APIP: variants seen among roughly 807,000 people sequenced by gnomAD.
APIP encodes the protein APAF1 interacting protein.
Under a neutral mutation model 32.0 loss-of-function variants are expected in APIP, and 32 were observed. The ratio of observed to expected loss-of-function variants is 1.00; its 90% confidence interval spans 0.76 to 1.34. The LOEUF is 1.34. Ranked by LOEUF, APIP falls within the 40% of genes most tolerant of loss-of-function variation. The probability of loss-of-function intolerance (pLI) is 0.00; values close to 1 mark genes in which losing one functional copy is unlikely to be tolerated. For synonymous variants in APIP, 92 were observed against 94.8 expected (o/e 0.97, Z 0.17); for missense variants, 247 against 298.6 (o/e 0.83, Z 1.27).
intron 1 of APIP, chr11:34,896,955 G>GT: frequency 2.2e-6 from 1 of 452,976 alleles, no homozygotes; most frequent in Non-Finnish European, 3.9e-6. Flanking sequence ...TACCTTCAAG[G>GT]TAACAGTGAA....
intron 5 of APIP, among the ~76,000 whole-genome samples, chr11:34,884,133 A>G (rs1379220330): frequency 6.6e-6 from 1 of 152,246 alleles, no homozygotes; most frequent in Non-Finnish European, 1.5e-5. Context: ...AGAATGTAAT[A>G]TTTAAACACA....
intron 1 of APIP, among the ~76,000 whole-genome samples, chr11:34,905,262 C>G (rs1373330932): frequency 6.6e-6 from 1 of 151,362 alleles, no homozygotes; most frequent in Non-Finnish European, 1.5e-5. Flanking sequence ...TACATCACAC[C>G]CTTTAGCTCC....
At chr11:34,898,714 G>A (rs1218700428) in intron 1 of APIP, among the ~76,000 whole-genome samples, 1 of 148,972 alleles carries the variant, frequency 6.7e-6, no homozygotes, top group Non-Finnish European at 1.5e-5. Flanking sequence ...TCTGCCCTTG[G>A]TCTGGAGAGT....
At chr11:34,893,773 A>G (rs1175887572) in intron 2 of APIP, among the ~76,000 whole-genome samples, 1 of 152,230 alleles carries the variant, frequency 6.6e-6, no homozygotes, top group East Asian at 1.9e-4. Flanking sequence ...AAAGCAGATA[A>G]AATTATAATG....
At chr11:34,894,251 A>G (rs1853229442) in intron 2 of APIP, among the ~76,000 whole-genome samples, 1 of 152,194 alleles carries the variant, frequency 6.6e-6, no homozygotes, top group African/African-American at 2.4e-5. Flanking sequence ...TGAGGAATAC[A>G]GATTAGCAGG....
intron 2 of APIP, among the ~76,000 whole-genome samples, chr11:34,894,229 T>TG (rs1285086550): frequency 6.6e-6 from 1 of 152,142 alleles, no homozygotes; most frequent in Non-Finnish European, 1.5e-5. Flanking sequence ...CAGTACATCT[T>TG]GTTTTGTCCT....
At chr11:34,905,610 ACAT>A (rs1438265941) in intron 1 of APIP, among the ~76,000 whole-genome samples, 1 of 152,162 alleles carries the variant, frequency 6.6e-6, no homozygotes, top group Non-Finnish European at 1.5e-5. Context: ...AAATATTGTA[ACAT>A]CATACTTGTA....
intron 1 of APIP, among the ~76,000 whole-genome samples, chr11:34,898,923 C>G (rs920628204): frequency 6.6e-6 from 1 of 151,220 alleles, no homozygotes; most frequent in African/African-American, 2.4e-5. Flanking sequence ...CTCAGCCTCC[C>G]GAGTAGCTGG....
chr11:34,901,295 C>T (rs1853365976), intron 1 of APIP, among the ~76,000 whole-genome samples: 1 of 152,060 alleles, frequency 6.6e-6, no homozygotes, highest in Non-Finnish European at 1.5e-5. Flanking sequence ...CGACCCTGTC[C>T]AGCCTGTGGC....
chr11:34,888,384 C>T lies in APIP; in HGVS notation c.370G>A (p.Ala124Thr). 1.9e-6 allele frequency: 3 copies of T among 1,610,728 alleles called. No individual in the cohort carries two copies. Among genetic ancestry groups the T allele is most frequent in the Non-Finnish European group, 1.7e-6 (2 of 1,178,514 alleles). ...IHTHSKAAVM[A>T]TLLFPGREFK... ...TCCCGTCCTGGAAAGAGAAGTGTGG[C>T]CATCACAGCAGCTTTAGAGTGGGTA... The change falls in exon 5 of 7, where the codon GCC (alanine) becomes ACC (threonine). Residue 124 changes from alanine to threonine, a missense_variant. Ala to Thr is a moderately conservative substitution (Grantham distance 58). Coordinates refer to ENST00000395787, the MANE Select transcript of APIP (RefSeq NM_015957.4).
intron 1 of APIP, among the ~76,000 whole-genome samples, chr11:34,904,906 T>G (rs571801654): frequency 1.2e-4 from 19 of 152,300 alleles, no homozygotes; most frequent in Middle Eastern, 3.4e-3. Context: ...ATCACAAAAG[T>G]AACTGAATGA....
At chr11:34,898,786 GTTTTTTTTTTTTT>G (rs57593563) in intron 1 of APIP, among the ~76,000 whole-genome samples, 5 of 55,198 alleles carry the variant, frequency 9.1e-5, no homozygotes, top group Admixed American at 2.7e-4. Context: ...TCTTTCTTTG[GTTTTTTTTTTTTT>G]TTTTTTTTTT....
At chr11:34,899,000 C>T (rs1290167726) in intron 1 of APIP, among the ~76,000 whole-genome samples, 4 of 151,752 alleles carry the variant, frequency 2.6e-5, no homozygotes, top group Non-Finnish European at 4.4e-5. Flanking sequence ...GGGGTTTCAC[C>T]GTGTTAGCCA....
At chr11:34,916,072 C>G (rs1853675457) in intron 1 of APIP, 156 bp downstream of exon 1, 1 of 1,005,874 alleles carries the variant, frequency 9.9e-7, no homozygotes. Context: ...TTCCGAACGC[C>G]AAGGTCGCGG....
At chr11:34,916,130 A>G in intron 1 of APIP, 98 bp downstream of exon 1, 2 of 1,482,640 alleles carry the variant, frequency 1.3e-6, no homozygotes, top group Admixed American at 2.1e-5. Context: ...CCCCGCAGCT[A>G]AACGCCCGGC....
intron 1 of APIP, chr11:34,915,783 G>T (rs3763933): frequency 0.17 from 34,313 of 200,636 alleles, 4,308 homozygotes; most frequent in African/African-American, 0.39. Context: ...GCACAGCTCC[G>T]GTTCGGCAAA....
intron 2 of APIP, 115 bp downstream of exon 2, chr11:34,894,895 A>G: frequency 3.4e-6 from 3 of 869,858 alleles, no homozygotes; most frequent in Non-Finnish European, 5.6e-6. Flanking sequence ...GAAACTAAAG[A>G]CCTTCAGTAT....
At chr11:34,915,740 C>CA (rs113604896) in intron 1 of APIP, 8,989 of 173,104 alleles carry the variant, frequency 0.052, 391 homozygotes, top group African/African-American at 0.12. Context: ...AGGCAAGGAG[C>CA]AACTGCTCAA....
chr11:34,898,070 C>T (rs1016049593), intron 1 of APIP, among the ~76,000 whole-genome samples: 1 of 151,960 alleles, frequency 6.6e-6, no homozygotes, highest in Non-Finnish European at 1.5e-5. Context: ...TAAATTGGTG[C>T]GAGACAAAGG....
Sources: allele counts gnomAD v4.1 joint callset (sites outside exome capture counted in the v4.1 genomes callset), GRCh38; gene constraint gnomAD v4.1.1; transcripts MANE v1.5; gene names NCBI Gene and HGNC (gene_info 2026-07-23, HGNC 2026-07-21).